The following BMPR2 variants were observed in gnomAD, a reference collection of about 807,000 sequenced individuals.
BMPR2 encodes bone morphogenetic protein receptor type-2.
In BMPR2, 29 loss-of-function variants were observed where a neutral mutation model predicts 100.8. The observed-to-expected ratio is 0.29, with a 90% CI of 0.21 to 0.39. The LOEUF is 0.39. Among genes scored for constraint, BMPR2 ranks in the 10% least tolerant of loss-of-function variants. The pLI, the probability that BMPR2 is intolerant of heterozygous loss-of-function variation, is 1.00. For synonymous variants in BMPR2, 382 were observed against 442.3 expected, an observed-to-expected ratio of 0.86 and a Z score of 1.71; for missense variants, 1,011 against 1,274.5, an observed-to-expected ratio of 0.79 and a Z score of 3.15.
Position 202,520,448 on chromosome 2 carries a change from G to C in BMPR2, c.967+247G>C, listed in dbSNP as rs1574489188. ...GCTGAGTAAAACTCCTGGGCTACCT[G>C]GAGGCTATCATGACCCAGCAGAGAA... is the stretch of plus-strand genomic sequence containing the variant. On this transcript the variant is annotated intron_variant, in intron 7 of 12. Coordinates refer to ENST00000374580, the MANE Select transcript of BMPR2 (RefSeq NM_001204.7). The C allele has an allele frequency of 1.1e-5, 6 of 531,398 alleles. No individual in the cohort carries two copies. In the East Asian group the frequency reaches 2.0e-4, roughly 18 times the overall value. The allele number at this position is 531,398 out of a possible 1,614,324, so 32.9% of individuals were successfully genotyped here. A position where few individuals can be genotyped will look rare whatever the true frequency, so the allele number is the denominator to read the frequency against.
At chr2:202,535,530 G>A (rs1435600289) in intron 9 of BMPR2, among the ~76,000 whole-genome samples, 10 of 151,130 alleles carry the variant, frequency 6.6e-5, no homozygotes, top group Admixed American at 6.6e-5. Flanking sequence ...ATGTGATGGC[G>A]GCCAGGAAGA....
chr2:202,391,662 C>T (rs932065842), intron 1 of BMPR2, among the ~76,000 whole-genome samples: 2 of 151,552 alleles, frequency 1.3e-5, no homozygotes, highest in Non-Finnish European at 2.9e-5. Context: ...TCTCAGTTCA[C>T]TGCAGCGTCT....
intron 2 of BMPR2, among the ~76,000 whole-genome samples, chr2:202,466,406 C>T (rs1692322833): frequency 6.6e-6 from 1 of 151,956 alleles, no homozygotes; most frequent in African/African-American, 2.4e-5. Context: ...CCTGCCTCAG[C>T]CTGCCAAGTA....
chr2:202,560,183 TTGTC>T lies in BMPR2; in HGVS notation c.*241_*244del. 1 of 527,080 alleles carries T rather than the reference TTGTC, an allele frequency of 1.9e-6. No individual in the cohort carries two copies. The highest frequency in any genetic ancestry group is 3.4e-6 in the Non-Finnish European group (1 of 295,906). The allele number at this position is 527,080 out of a possible 1,614,324, so 32.7% of individuals were successfully genotyped here. ...TTGTTTAGTCTCGCTAAAGTTATAT[TTGTC>T]TGTTATGACCACAGAGTTATATGTG... On this transcript the variant is annotated 3_prime_UTR_variant, in exon 13 of 13. Transcript: ENST00000374580.
Position 202,542,319 on chromosome 2 carries a change from G to T in BMPR2, c.1285G>T (p.Val429Leu). Residue 429 changes from valine to leucine, a missense_variant, in exon 10 of 13, where the codon GTA becomes TTA. This residue lies in a region of BMPR2 where 83 missense variants were observed against 140.7 expected (regional missense o/e 0.59). Transcript: ENST00000374580. ...TTTCTACAAATCCACAGGGGAATCC[G>T]TACCAGAGTACCAGATGGCTTTTCA... ...RCTDLFPGES[V>L]PEYQMAFQTE... is the part of the protein sequence containing the mutation. 1 of 1,613,740 alleles carries T rather than the reference G, an allele frequency of 6.2e-7. No individual in the cohort carries two copies. Among genetic ancestry groups the T allele is most frequent in the South Asian group, 1.1e-5 (1 of 91,062 alleles).
chr2:202,445,519 A>C (rs1244077551), intron 1 of BMPR2, among the ~76,000 whole-genome samples: 1 of 149,884 alleles, frequency 6.7e-6, no homozygotes, highest in African/African-American at 2.5e-5. Flanking sequence ...GAGCCACTGC[A>C]CCTGGCCTAT....
intron 1 of BMPR2, among the ~76,000 whole-genome samples, chr2:202,417,920 G>A (rs930049039): frequency 6.6e-5 from 10 of 151,714 alleles, no homozygotes; most frequent in African/African-American, 1.7e-4. Context: ...GGGTTTCACC[G>A]TGTTAGCCAG....
rs17199235 is a variant in BMPR2 at position 202,555,136 on chromosome 2, A to G, written c.1587-116A>G. ...GACTTTTTAACCTTTAGAAAAATGT[A>G]CGTTTGGAAGAAAATGAAAAACAAC... On this transcript the variant is annotated intron_variant, in intron 11 of 12. Transcript: ENST00000374580. The G allele has an allele frequency of 0.098, 91,439 of 930,674 alleles. 5,430 individuals are homozygous for G. The highest frequency in any genetic ancestry group is 0.12 in the Non-Finnish European group (70,691 of 603,404). The allele number at this position is 930,674 out of a possible 1,614,324, so 57.7% of individuals were successfully genotyped here.
chr2:202,549,132 CAT>C (rs1172024945), intron 10 of BMPR2, among the ~76,000 whole-genome samples: 1 of 152,086 alleles, frequency 6.6e-6, no homozygotes, highest in African/African-American at 2.4e-5. Context: ...TAAATGGAAT[CAT>C]ATAAATGTAC....
intron 1 of BMPR2, among the ~76,000 whole-genome samples, chr2:202,446,042 A>G (rs547468724): frequency 2.0e-5 from 3 of 150,490 alleles, no homozygotes; most frequent in South Asian, 4.2e-4. Context: ...CCAAAGTGCT[A>G]GGATTACAGG....
chr2:202,547,769 C>A, intron 10 of BMPR2, among the ~76,000 whole-genome samples: 1 of 110,738 alleles, frequency 9.0e-6, no homozygotes, highest in East Asian at 2.7e-4. Context: ...GACGACAGAG[C>A]AAGATCCATC....
chr2:202,555,334 C>T lies in BMPR2; in HGVS notation c.1669C>T (p.His557Tyr). ...CTCCTCATACATTGAAGACTCTATCCATCATACTGACAGCATCGTGAAGAA... is the reference window on the plus strand; with the variant it reads ...CTCCTCATACATTGAAGACTCTATCTATCATACTGACAGCATCGTGAAGAA... ...SSSSYIEDSI[H>Y]HTDSIVKNIS... Residue 557 changes from histidine (H) to tyrosine (Y), a missense_variant, in exon 12 of 13, where the codon CAT (histidine) becomes TAT (tyrosine). Around this residue, in one of 6 missense-constraint regions of BMPR2, gnomAD observed 508 missense variants for 552.0 expected, o/e 0.92. Coordinates refer to ENST00000374580, the MANE Select transcript of BMPR2 (RefSeq NM_001204.7). 1 of 1,614,024 alleles carries T rather than the reference C, an allele frequency of 6.2e-7. No homozygotes were observed. Among genetic ancestry groups the T allele is most frequent in the Non-Finnish European group, 8.5e-7 (1 of 1,179,938 alleles).
intron 1 of BMPR2, among the ~76,000 whole-genome samples, chr2:202,382,080 G>A (rs1690313727): frequency 7.8e-6 from 1 of 128,860 alleles, no homozygotes; most frequent in African/African-American, 2.8e-5. Flanking sequence ...TTTTTTTTGA[G>A]ATGGAGTCTT....
intron 1 of BMPR2, among the ~76,000 whole-genome samples, chr2:202,457,550 A>T (rs997759757): frequency 1.0e-5 from 1 of 95,486 alleles, no homozygotes; most frequent in Admixed American, 1.2e-4. Flanking sequence ...TTTTATATAT[A>T]TATATATATA....
chr2:202,451,814 A>G (rs1459223654), intron 1 of BMPR2, among the ~76,000 whole-genome samples: 2 of 151,956 alleles, frequency 1.3e-5, no homozygotes, highest in Non-Finnish European at 1.5e-5. Flanking sequence ...CAATGGCATG[A>G]TCTCAGCTCA....
At chr2:202,486,522 C>T (rs1443687955) in intron 3 of BMPR2, among the ~76,000 whole-genome samples, 1 of 151,524 alleles carries the variant, frequency 6.6e-6, no homozygotes, top group Non-Finnish European at 1.5e-5. Flanking sequence ...GTCCCAGCTA[C>T]TCAGGCGGCT....
chr2:202,565,786 C>G lies in BMPR2; in HGVS notation c.*5840C>G, dbSNP rs1688750080. 1 of 152,192 alleles carries G rather than the reference C, an allele frequency of 6.6e-6. No homozygotes were observed. The highest frequency in any genetic ancestry group is 2.4e-5 in the African/African-American group (1 of 41,448). 9.4% of individuals were successfully genotyped at this position (152,192 alleles called of 1,614,324 possible). On this transcript the variant is annotated 3_prime_UTR_variant, in exon 13 of 13. Coordinates refer to ENST00000374580, the MANE Select transcript of BMPR2 (RefSeq NM_001204.7). ...AATACTTATTATTTTGCAACATAGA[C>G]TGGACTATACAACTTTCATTTAACT...
chr2:202,551,583 C>G, intron 10 of BMPR2, among the ~76,000 whole-genome samples: 1 of 152,106 alleles, frequency 6.6e-6, no homozygotes, highest in Non-Finnish European at 1.5e-5. Flanking sequence ...TATAGGGAGA[C>G]TATTGTTCAT....
chr2:202,473,134 G>T (rs1692469997), intron 3 of BMPR2, among the ~76,000 whole-genome samples: 1 of 152,120 alleles, frequency 6.6e-6, no homozygotes, highest in Non-Finnish European at 1.5e-5. Flanking sequence ...TTTGGTGATG[G>T]TGAGTTTTTT....
Sources: allele counts gnomAD v4.1 joint callset (sites outside exome capture counted in the v4.1 genomes callset), GRCh38; gene constraint gnomAD v4.1.1; regional missense constraint gnomAD v4.1.1; transcripts MANE v1.5; gene names NCBI Gene and HGNC (gene_info 2026-07-23, HGNC 2026-07-21).